The following ARHGEF12 variants were observed in gnomAD, a reference collection of about 807,000 sequenced individuals.
ARHGEF12 encodes KMT2A/ARHGEF12 fusion protein.
In ARHGEF12, 66 loss-of-function variants were observed where a neutral mutation model predicts 211.2. That is an observed-to-expected ratio of 0.31 (90% CI 0.26 to 0.38). The LOEUF (loss-of-function observed/expected upper bound fraction) is 0.38. Ranked by LOEUF, ARHGEF12 falls within the 10% of genes least tolerant of loss-of-function variation. The probability of loss-of-function intolerance (pLI) is 1.00; values close to 1 mark genes in which losing one functional copy is unlikely to be tolerated. For synonymous variants in ARHGEF12, 592 were observed against 638.4 expected, an observed-to-expected ratio of 0.93 and a Z score of 1.09; for missense variants, 1,429 against 1,869.5, an observed-to-expected ratio of 0.76 and a Z score of 4.34.
intron 4 of ARHGEF12, among the ~76,000 whole-genome samples, chr11:120,413,450 G>T (rs1465383166): frequency 6.6e-6 from 1 of 152,184 alleles, no homozygotes; most frequent in African/African-American, 2.4e-5. Flanking sequence ...TGATTGTTGA[G>T]ATTGACATAG....
chr11:120,388,698 T>A (rs1944115423), intron 1 of ARHGEF12, among the ~76,000 whole-genome samples: 2 of 152,300 alleles, frequency 1.3e-5, no homozygotes, highest in Non-Finnish European at 2.9e-5. Context: ...TTATTTGCAT[T>A]TCATCTGATG....
intron 38 of ARHGEF12, among the ~76,000 whole-genome samples, 175 bp downstream of exon 38, chr11:120,480,605 A>C (rs1391526210): frequency 6.6e-6 from 1 of 152,166 alleles, no homozygotes; most frequent in African/African-American, 2.4e-5. Context: ...ACCAGACCTC[A>C]TCATAGGTGC....
intron 31 of ARHGEF12, among the ~76,000 whole-genome samples, chr11:120,473,526 C>T (rs1413979293): frequency 1.3e-5 from 2 of 152,160 alleles, no homozygotes; most frequent in East Asian, 3.8e-4. Flanking sequence ...CCTCAGCCTC[C>T]CTAGCAGCTA....
chr11:120,377,960 C>G (rs1340121184), intron 1 of ARHGEF12, among the ~76,000 whole-genome samples: 1 of 151,802 alleles, frequency 6.6e-6, no homozygotes, highest in Non-Finnish European at 1.5e-5. Context: ...GAGATGGGGT[C>G]TCACTATGTT....
Position 120,488,196 on chromosome 11 carries a change from C to T in ARHGEF12, c.*3119C>T. 9.3e-6 allele frequency: 2 copies of T among 215,196 alleles called. No individual in the cohort carries two copies. Among genetic ancestry groups the T allele is most frequent in the Admixed American group, 1.2e-4 (2 of 17,216 alleles). The allele number at this position is 215,196 out of a possible 1,614,324, so 13.3% of individuals were successfully genotyped here. A position where few individuals can be genotyped will look rare whatever the true frequency, so the allele number is the denominator to read the frequency against. On this transcript the variant is annotated 3_prime_UTR_variant, in exon 41 of 41. Coordinates refer to ENST00000397843, the MANE Select transcript of ARHGEF12 (RefSeq NM_015313.3). ...TGTCTTTTACTGGCATCTTTGTTTT[C>T]CTCTTTGATGTTAGTAAATTTGGTG...
chr11:120,424,844 CAT>C (rs1475816627), intron 7 of ARHGEF12, among the ~76,000 whole-genome samples: 6 of 152,202 alleles, frequency 3.9e-5, no homozygotes, highest in Non-Finnish European at 8.8e-5. Context: ...AGAAGTCAGA[CAT>C]ATGGCCTGAT....
Position 120,435,946 on chromosome 11 carries a change from T to C in ARHGEF12, c.925-1362T>C, listed in dbSNP as rs547447617. Among the ~76,000 whole-genome samples the C allele has an allele frequency of 5.3e-5, 8 of 152,348 alleles. No individual in the cohort carries two copies. The South Asian group carries it at 1.7e-3, about 32-fold the overall frequency. Reference sequence around the variant, plus strand: ...TTTCTGTATTTATTACATGGAGTTATGTTACAAAAAATGATTTCCCTTACT... The same window carrying C: ...TTTCTGTATTTATTACATGGAGTTACGTTACAAAAAATGATTTCCCTTACT... On this transcript the variant is annotated intron_variant, in intron 11 of 40. Transcript: ENST00000397843.
chr11:120,372,161 TAGA>T (rs1943607113), intron 1 of ARHGEF12, among the ~76,000 whole-genome samples: 1 of 152,200 alleles, frequency 6.6e-6, no homozygotes, highest in Admixed American at 6.5e-5. Flanking sequence ...AAGGGAACAT[TAGA>T]TAAAGTAATA....
chr11:120,395,266 G>A (rs963724750), intron 1 of ARHGEF12, among the ~76,000 whole-genome samples: 25 of 152,022 alleles, frequency 1.6e-4, no homozygotes, highest in African/African-American at 5.8e-4. Context: ...TGTAATGACC[G>A]GGTAGGGTTT....
intron 1 of ARHGEF12, among the ~76,000 whole-genome samples, chr11:120,339,442 A>T (rs368661693): frequency 6.6e-6 from 1 of 152,168 alleles, no homozygotes. Context: ...GCCCTACCTC[A>T]TCCTTTTTTC....
intron 39 of ARHGEF12, among the ~76,000 whole-genome samples, chr11:120,483,322 G>A (rs1204948417): frequency 3.6e-5 from 5 of 140,726 alleles, no homozygotes; most frequent in African/African-American, 1.1e-4. Context: ...GTGCAGTGGC[G>A]CTATTTCGGC....
chr11:120,398,680 AC>A (rs1394195257), intron 1 of ARHGEF12, among the ~76,000 whole-genome samples: 1 of 152,186 alleles, frequency 6.6e-6, no homozygotes, highest in Non-Finnish European at 1.5e-5. Context: ...TCTCTTTAGT[AC>A]AAAACCAAAA....
intron 15 of ARHGEF12, among the ~76,000 whole-genome samples, chr11:120,442,461 T>TAC (rs1461443486): frequency 1.4e-5 from 2 of 144,018 alleles, no homozygotes; most frequent in East Asian, 4.0e-4. Flanking sequence ...CACACATATA[T>TAC]ATACACACAC....
chr11:120,400,298 A>G (rs749267365), intron 1 of ARHGEF12, among the ~76,000 whole-genome samples: 2 of 152,168 alleles, frequency 1.3e-5, no homozygotes, highest in Non-Finnish European at 2.9e-5. Flanking sequence ...AGCAAACAGA[A>G]TCATGCATTG....
chr11:120,348,098 C>T (rs1942822482), intron 1 of ARHGEF12, among the ~76,000 whole-genome samples: 1 of 152,060 alleles, frequency 6.6e-6, no homozygotes, highest in Admixed American at 6.6e-5. Flanking sequence ...CATTATATTG[C>T]TAGTCTCATT....
intron 1 of ARHGEF12, among the ~76,000 whole-genome samples, chr11:120,347,226 TTCTC>T (rs1430990707): frequency 2.1e-5 from 3 of 141,208 alleles, no homozygotes; most frequent in Non-Finnish European, 4.6e-5. Context: ...CTTTCTTTCT[TTCTC>T]TCTGTCTCTC....
intron 1 of ARHGEF12, among the ~76,000 whole-genome samples, chr11:120,343,397 T>C (rs1346611355): frequency 3.9e-5 from 6 of 152,250 alleles, no homozygotes; most frequent in African/African-American, 1.2e-4. Context: ...AAGATAGTCA[T>C]ATAGGGAAGA....
intron 22 of ARHGEF12, among the ~76,000 whole-genome samples, chr11:120,455,969 T>A (rs1946349529): frequency 6.6e-6 from 1 of 152,220 alleles, no homozygotes; most frequent in Non-Finnish European, 1.5e-5. Flanking sequence ...AAGACTTTAA[T>A]AAATGTTCTA....
Position 120,486,348 on chromosome 11 carries a change from T to G in ARHGEF12, c.*1271T>G. 4.3e-6 allele frequency: 1 copy of G among 233,186 alleles called. No homozygotes were observed. Among genetic ancestry groups the G allele is most frequent in the Non-Finnish European group, 8.5e-6 (1 of 117,746 alleles). 14.4% of individuals were successfully genotyped at this position (233,186 alleles called of 1,614,324 possible). ...CCAGAAGCACGTCCTCTGACTTCAC[T>G]GCCGCAGCTCTTTCCACACGGGGCC... On this transcript the variant is annotated 3_prime_UTR_variant, in exon 41 of 41. Transcript: ENST00000397843.
Sources: gnomAD v4.1 joint callset for allele counts (sites outside exome capture counted in the v4.1 genomes callset) on GRCh38, gnomAD v4.1.1 for gene constraint, MANE v1.5 for transcripts, NCBI Gene and HGNC (gene_info 2026-07-23, HGNC 2026-07-21) for gene names.